Variants in WDR35 observed in about 807,000 individuals in gnomAD.
WDR35 encodes the protein WD repeat domain 35.
WDR35 carries 118 observed loss-of-function variants against 158.3 expected under a neutral mutation model. The observed-to-expected ratio is 0.75, with a 90% CI of 0.64 to 0.87. WDR35 has a LOEUF of 0.87. Among genes scored for constraint, WDR35 ranks in the 40% least tolerant of loss-of-function variants. The pLI, the probability that WDR35 is intolerant of heterozygous loss-of-function variation, is 0.00. For missense variants in WDR35, 1,263 were observed against 1,405.8 expected (o/e 0.90, Z 1.62); for synonymous variants, 448 against 476.1 (o/e 0.94, Z 0.77).
Position 19,938,264 on chromosome 2 carries a change from C to A in WDR35, c.2063+1G>T. ...TGGGAGAGTTTGCTTTTTTTAAATA[C>A]CAAAGTCGGGGGTGTGGATTGTCCT... On this transcript the variant is annotated splice_donor_variant, in intron 18 of 26. Coordinates refer to ENST00000281405, the MANE Select transcript of WDR35 (RefSeq NM_020779.4). LOFTEE classifies it high-confidence loss of function. 6.2e-7 allele frequency: 1 copy of A among 1,613,842 alleles called. No individual in the cohort carries two copies. Among genetic ancestry groups the A allele is most frequent in the South Asian group, 1.1e-5 (1 of 91,078 alleles).
At chr2:19,962,777 A>T (rs970718915) in intron 10 of WDR35, among the ~76,000 whole-genome samples, 3 of 152,202 alleles carry the variant, frequency 2.0e-5, no homozygotes, top group Non-Finnish European at 4.4e-5. Context: ...ATATAAACCA[A>T]ATAATAAAAA....
Position 19,970,481 on chromosome 2 carries a change from C to T in WDR35, c.883-876G>A, listed in dbSNP as rs187410103. Among the ~76,000 whole-genome samples the T allele has an allele frequency of 6.6e-5, 10 of 152,272 alleles. 1 individual carries two copies. In the East Asian group the frequency reaches 1.2e-3, roughly 18 times the overall value. ...TTTCCTTATTCTCCCCCTCTGCCCT[C>T]CCAATTCAATCTATACTCTGCTGTC... On this transcript the variant is annotated intron_variant, in intron 8 of 26. Coordinates refer to ENST00000281405, the MANE Select transcript of WDR35 (RefSeq NM_020779.4).
intron 25 of WDR35, among the ~76,000 whole-genome samples, chr2:19,922,374 G>T (rs1372100326): frequency 6.6e-6 from 1 of 152,140 alleles, no homozygotes; most frequent in African/African-American, 2.4e-5. Context: ...ATACACCAGG[G>T]AATACTATGC....
chr2:19,945,913 A>G lies in WDR35; in HGVS notation c.1718T>C (p.Val573Ala), dbSNP rs1273688015. Residue 573 changes from valine (V) to alanine (A), a missense_variant, in exon 16 of 27, where the codon GTA (valine) becomes GCA (alanine). Coordinates refer to ENST00000281405, the MANE Select transcript of WDR35 (RefSeq NM_020779.4). ...TTCCAATTTTAACAACTCTCCAACT[A>G]CTTGCTGTCCCGTACTGTCCGTTAC... Reference protein sequence around the residue: ...ARVTDSTGQQVVGELLKLERR... With the variant: ...ARVTDSTGQQAVGELLKLERR... 2.5e-6 allele frequency: 4 copies of G among 1,613,820 alleles called. No homozygotes were observed. Among genetic ancestry groups the G allele is most frequent in the African/African-American group, 1.3e-5 (1 of 74,892 alleles).
At chr2:19,937,609 T>C in intron 19 of WDR35, 134 bp downstream of exon 19, 1 of 1,188,556 alleles carries the variant, frequency 8.4e-7, no homozygotes, top group East Asian at 2.5e-5. Flanking sequence ...AATATCTAGG[T>C]TGTAATCCAA....
At chr2:19,963,793 G>A (rs907596163) in intron 10 of WDR35, among the ~76,000 whole-genome samples, 2 of 152,038 alleles carry the variant, frequency 1.3e-5, no homozygotes, top group Admixed American at 1.3e-4. Context: ...CGCCCAGGCT[G>A]GAGTGCAGTG....
intron 25 of WDR35, 55 bp downstream of exon 25, chr2:19,930,341 T>C (rs1670484805): frequency 6.2e-7 from 1 of 1,611,230 alleles, no homozygotes; most frequent in African/African-American, 1.3e-5. Flanking sequence ...AGCTAGCCCT[T>C]CATACTCAAT....
Position 19,927,170 on chromosome 2 carries a change from C to T in WDR35, c.3121+3226G>A, listed in dbSNP as rs531941610. ...AATTACACTTATTGGGCATATTTAT[C>T]AATCTTGGCTGGCAATAATGCCTAG... is the stretch of plus-strand genomic sequence containing the variant. On this transcript the variant is annotated intron_variant, in intron 25 of 26. Transcript: ENST00000281405. Among the ~76,000 whole-genome samples the T allele has an allele frequency of 3.9e-5, 6 of 152,320 alleles. No individual in the cohort carries two copies. The East Asian group carries it at 9.6e-4, about 24-fold the overall frequency.
intron 25 of WDR35, among the ~76,000 whole-genome samples, chr2:19,924,418 G>A (rs1393384307): frequency 1.3e-5 from 2 of 152,166 alleles, no homozygotes; most frequent in Non-Finnish European, 2.9e-5. Context: ...CAAAAAATTC[G>A]CCGGGTGTGG....
intron 25 of WDR35, among the ~76,000 whole-genome samples, chr2:19,918,643 A>G (rs991161831): frequency 6.6e-6 from 1 of 152,236 alleles, no homozygotes; most frequent in African/African-American, 2.4e-5. Context: ...AGCAAAAGAG[A>G]CAAAGAAGGG....
intron 9 of WDR35, among the ~76,000 whole-genome samples, chr2:19,969,071 T>A (rs1374907616): frequency 6.6e-6 from 1 of 152,196 alleles, no homozygotes; most frequent in Non-Finnish European, 1.5e-5. Context: ...GAGCAGACCC[T>A]CTTGCACAGC....
Position 19,989,184 on chromosome 2 carries a change from C to G in WDR35, c.123G>C (p.Leu41Phe). The change falls in exon 2 of 27, where the codon TTG (leucine) becomes TTC (phenylalanine). Residue 41 changes from leucine (L) to phenylalanine (F), a missense_variant. Transcript: ENST00000281405. ...CGGEDGLLKV[L>F]KLETQTDDAK... The stretch of plus-strand genomic sequence containing the variant: ...ATTTACCTGTCTGCGTCTCTAATTT[C>G]AAAACTTTCAGTAATCCATCTTCAC... The G allele has an allele frequency of 6.2e-7, 1 of 1,614,160 alleles. No homozygotes were observed. The highest frequency in any genetic ancestry group is 8.5e-7 in the Non-Finnish European group (1 of 1,180,024).
chr2:19,946,658 T>C, intron 14 of WDR35, 88 bp from the exon 15 acceptor site: 3 of 1,274,852 alleles, frequency 2.4e-6, no homozygotes, highest in Admixed American at 1.7e-5. Context: ...TATACATTTG[T>C]CTTAAAACCA....
At chr2:19,932,258 C>G (rs767107068) in intron 23 of WDR35, 25 bp downstream of exon 23, 1 of 1,612,534 alleles carries the variant, frequency 6.2e-7, no homozygotes, top group Non-Finnish European at 8.5e-7. Context: ...AACAAATCAA[C>G]TATTCACCAA....
At chr2:19,944,118 G>C (rs1249436605) in intron 16 of WDR35, among the ~76,000 whole-genome samples, 1 of 151,966 alleles carries the variant, frequency 6.6e-6, no homozygotes, top group Non-Finnish European at 1.5e-5. Context: ...AAGCAAATGA[G>C]CAGAGTAGCT....
Position 19,931,854 on chromosome 2 carries a change from GGAATA to G in WDR35, c.2823+424_2823+428del, listed in dbSNP as rs546672221. Among the ~76,000 whole-genome samples, 35 of 151,948 alleles carry G rather than the reference GGAATA, an allele frequency of 2.3e-4. No homozygotes were observed. The South Asian group carries it at 3.5e-3, about 15-fold the overall frequency. ...TTTTCCTTTTTCATTAAATCAAATGGGAATAGAATAGAAGGTAAAATGTGTATACA... is the reference window on the plus strand; with the variant it reads ...TTTTCCTTTTTCATTAAATCAAATGGGAATAGAAGGTAAAATGTGTATACA... On this transcript the variant is annotated intron_variant, in intron 23 of 26. Transcript: ENST00000281405.
intron 17 of WDR35, among the ~76,000 whole-genome samples, chr2:19,938,887 T>C (rs553293772): frequency 6.6e-6 from 1 of 152,204 alleles, no homozygotes; most frequent in Non-Finnish European, 1.5e-5. Flanking sequence ...GAATTACTTA[T>C]CCATCTCCTC....
At chr2:19,962,052 C>T (rs1671680155) in intron 10 of WDR35, among the ~76,000 whole-genome samples, 1 of 152,166 alleles carries the variant, frequency 6.6e-6, no homozygotes, top group Non-Finnish European at 1.5e-5. Flanking sequence ...GGTTAAATTC[C>T]CAGGACCCTC....
chr2:19,944,035 A>G (rs1357858409), intron 16 of WDR35, among the ~76,000 whole-genome samples: 1 of 152,100 alleles, frequency 6.6e-6, no homozygotes, highest in Non-Finnish European at 1.5e-5. Context: ...ACTATTAAAT[A>G]TAATAGTATG....
Sources: gnomAD v4.1 joint callset for allele counts (sites outside exome capture counted in the v4.1 genomes callset) on GRCh38, gnomAD v4.1.1 for gene constraint, MANE v1.5 for transcripts, NCBI Gene and HGNC (gene_info 2026-07-23, HGNC 2026-07-21) for gene names.